GALNTL6: variants seen among roughly 807,000 people sequenced by gnomAD.
GALNTL6 encodes polypeptide N-acetylgalactosaminyltransferase like 6, also known as polypeptide N-acetylgalactosaminyltransferase-like 6.
In GALNTL6, 46 loss-of-function variants were observed where a neutral mutation model predicts 73.7. That is an observed-to-expected ratio of 0.62 (90% confidence interval 0.49 to 0.80). The LOEUF is 0.80. Among genes scored for constraint, GALNTL6 ranks in the 30% least tolerant of loss-of-function variants. GALNTL6 has a pLI of 0.00. For missense variants in GALNTL6, 604 were observed against 755.0 expected (o/e 0.80, Z 2.34); for synonymous variants, 259 against 263.7 (o/e 0.98, Z 0.17).
chr4:172,504,280 C>T lies in GALNTL6; in HGVS notation c.553+155591C>T, dbSNP rs1382373353. ...TATTGTTCTTACATGTCCTATTCAT[C>T]AGTTTATTGTTCAACTAATTCTGAA... On this transcript the variant is annotated intron_variant, in intron 5 of 12. Transcript: ENST00000506823. 7.7e-5 allele frequency among the ~76,000 whole-genome samples: 4 copies of T among 51,642 alleles called. 2 individuals are homozygous for T. The highest frequency in any genetic ancestry group is 5.6e-4 in the Admixed American group (2 of 3,546). 33.9% of individuals were successfully genotyped at this position (51,642 alleles called of 152,430 possible). A position where few individuals can be genotyped will look rare whatever the true frequency, so the allele number is the denominator to read the frequency against.
At chr4:172,930,165 C>A (rs532769981) in intron 8 of GALNTL6, among the ~76,000 whole-genome samples, 1 of 152,016 alleles carries the variant, frequency 6.6e-6, no homozygotes, top group African/African-American at 2.4e-5. Flanking sequence ...ATAATCTCAG[C>A]CACTTGGGAG....
At chr4:173,030,673 A>G (rs1187739270) in intron 12 of GALNTL6, among the ~76,000 whole-genome samples, 1 of 152,092 alleles carries the variant, frequency 6.6e-6, no homozygotes. Context: ...GATGAAACAT[A>G]ACTCAAAGAC....
chr4:171,832,512 T>C (rs1360075261), intron 2 of GALNTL6, among the ~76,000 whole-genome samples: 2 of 151,520 alleles, frequency 1.3e-5, no homozygotes, highest in Non-Finnish European at 3.0e-5. Context: ...GATAGATAGA[T>C]AATATTTCTA....
chr4:172,134,320 G>C (rs1278310906), intron 2 of GALNTL6, among the ~76,000 whole-genome samples: 3 of 151,602 alleles, frequency 2.0e-5, no homozygotes, highest in Non-Finnish European at 2.9e-5. Flanking sequence ...GGGAGGCGGA[G>C]TTTGCAGTGA....
At chr4:173,001,999 C>G (rs537579543) in intron 10 of GALNTL6, among the ~76,000 whole-genome samples, 2 of 152,310 alleles carry the variant, frequency 1.3e-5, no homozygotes, top group East Asian at 3.9e-4. Context: ...TAGGACCCAG[C>G]AATTTCATTC....
intron 5 of GALNTL6, among the ~76,000 whole-genome samples, chr4:172,724,525 T>G (rs1365131641): frequency 6.6e-6 from 1 of 152,190 alleles, no homozygotes; most frequent in African/African-American, 2.4e-5. Flanking sequence ...CTTTGTATAT[T>G]AGCCTTTGCA....
chr4:172,609,812 C>T (rs1434198448), intron 5 of GALNTL6, among the ~76,000 whole-genome samples: 3 of 150,970 alleles, frequency 2.0e-5, no homozygotes, highest in Non-Finnish European at 4.4e-5. Flanking sequence ...TCTATGAATC[C>T]GTCTGGTCCT....
intron 2 of GALNTL6, among the ~76,000 whole-genome samples, chr4:171,893,717 G>C (rs1736824322): frequency 1.3e-5 from 2 of 152,126 alleles, no homozygotes; most frequent in Admixed American, 1.3e-4. Context: ...AGTTTAAACA[G>C]GTACTTAGAA....
At chr4:172,908,505 T>A (rs1276106334) in intron 8 of GALNTL6, among the ~76,000 whole-genome samples, 1 of 151,932 alleles carries the variant, frequency 6.6e-6, no homozygotes, top group Non-Finnish European at 1.5e-5. Flanking sequence ...AATTTTCTAT[T>A]AGGTAATATG....
intron 2 of GALNTL6, among the ~76,000 whole-genome samples, chr4:171,959,291 A>T (rs1442049273): frequency 1.3e-5 from 2 of 152,144 alleles, no homozygotes; most frequent in African/African-American, 4.8e-5. Flanking sequence ...ATTTTTGTGA[A>T]TTAATCATTA....
intron 10 of GALNTL6, among the ~76,000 whole-genome samples, chr4:172,980,716 C>T (rs1271149350): frequency 6.6e-6 from 1 of 152,118 alleles, no homozygotes; most frequent in Admixed American, 6.5e-5. Flanking sequence ...TCCTTATGAC[C>T]TCATTTAGCT....
chr4:172,898,257 T>C (rs1250183536), intron 8 of GALNTL6, among the ~76,000 whole-genome samples: 2 of 150,482 alleles, frequency 1.3e-5, no homozygotes, highest in Non-Finnish European at 3.0e-5. Flanking sequence ...CCCAGTTCTC[T>C]ACTTACTTTG....
chr4:172,268,803 A>G (rs1212946714), intron 3 of GALNTL6, among the ~76,000 whole-genome samples: 1 of 152,182 alleles, frequency 6.6e-6, no homozygotes, highest in Non-Finnish European at 1.5e-5. Context: ...CTTCCATGTG[A>G]GAACACAGCA....
chr4:172,949,129 C>G (rs1246285567), intron 9 of GALNTL6, among the ~76,000 whole-genome samples: 1 of 152,202 alleles, frequency 6.6e-6, no homozygotes, highest in Non-Finnish European at 1.5e-5. Context: ...TCAATAGATA[C>G]ATACGCACAC....
intron 5 of GALNTL6, among the ~76,000 whole-genome samples, chr4:172,408,247 T>C (rs1358590640): frequency 1.3e-5 from 2 of 152,076 alleles, no homozygotes; most frequent in African/African-American, 4.8e-5. Context: ...ATTCGAGTGC[T>C]ATCATTTGTC....
intron 5 of GALNTL6, among the ~76,000 whole-genome samples, chr4:172,630,549 T>G (rs985213151): frequency 2.6e-5 from 4 of 152,106 alleles, no homozygotes; most frequent in Admixed American, 2.6e-4. Flanking sequence ...GTTCTATCTC[T>G]GAGCCTGTGA....
chr4:172,913,883 T>C (rs1402043096), intron 8 of GALNTL6, among the ~76,000 whole-genome samples: 3 of 151,884 alleles, frequency 2.0e-5, no homozygotes, highest in African/African-American at 4.8e-5. Flanking sequence ...ATTCAGGAAA[T>C]ACAGAGAATG....
At chr4:172,902,145 T>G (rs777927689) in intron 8 of GALNTL6, among the ~76,000 whole-genome samples, 3 of 152,174 alleles carry the variant, frequency 2.0e-5, no homozygotes, top group Non-Finnish European at 4.4e-5. Context: ...GACCTAACGA[T>G]GTGCATAAAA....
At chr4:172,729,383 A>T (rs184485083) in intron 5 of GALNTL6, among the ~76,000 whole-genome samples, 1 of 152,152 alleles carries the variant, frequency 6.6e-6, no homozygotes, top group Non-Finnish European at 1.5e-5. Context: ...CAAGTTTTTA[A>T]TCCATTTTGA....
Sources: allele counts gnomAD v4.1 joint callset (sites outside exome capture counted in the v4.1 genomes callset), GRCh38; gene constraint gnomAD v4.1.1; transcripts MANE v1.5; gene names NCBI Gene and HGNC (gene_info 2026-07-23, HGNC 2026-07-21).